The following GSN variants were observed in gnomAD, a reference collection of about 807,000 sequenced individuals.
The protein encoded by GSN is actin-depolymerizing factor.
GSN carries 56 observed loss-of-function variants against 85.7 expected under a neutral mutation model. The ratio of observed to expected loss-of-function variants is 0.65; its 90% CI spans 0.53 to 0.82. The LOEUF is 0.82. Ranked by LOEUF, GSN falls within the 40% of genes least tolerant of loss-of-function variation. GSN has a pLI of 0.00. For missense variants in GSN, 857 were observed against 979.8 expected, an observed-to-expected ratio of 0.87 and a Z score of 1.67; for synonymous variants, 373 against 399.1, an observed-to-expected ratio of 0.93 and a Z score of 0.78.
intron 16 of GSN, among the ~76,000 whole-genome samples, chr9:121,330,351 T>C (rs1404178155): frequency 6.6e-6 from 1 of 152,204 alleles, no homozygotes; most frequent in African/African-American, 2.4e-5. Flanking sequence ...GGTGGGCAGA[T>C]CACTTGAGGT....
Position 121,329,380 on chromosome 9 carries a change from C to A in GSN, c.1965+65C>A. On this transcript the variant is annotated intron_variant, in intron 16 of 17. Coordinates refer to ENST00000432226, the MANE Select transcript of GSN (RefSeq NM_198252.3). This position sits in a 1 kb window ranked among gnomAD's most constrained non-coding sequence, Gnocchi z 4.6. ...AGTGGGAGAAACTAGACTTCCAGTT[C>A]TATGATCAGTTGCTAGAAGGACCTA... The A allele has an allele frequency of 1.0e-6, 1 of 989,090 alleles. No homozygotes were observed. Among genetic ancestry groups the A allele is most frequent in the Non-Finnish European group, 1.6e-6 (1 of 610,144 alleles). 61.3% of individuals were successfully genotyped at this position (989,090 alleles called of 1,614,324 possible).
chr9:121,320,668 A>G (rs1229932881), intron 10 of GSN, among the ~76,000 whole-genome samples: 1 of 151,688 alleles, frequency 6.6e-6, no homozygotes, highest in African/African-American at 2.4e-5. Flanking sequence ...AAAAAAAAAG[A>G]AAAAAAGAAA....
At chr9:121,293,710 AAAAAAG>A in intron 2 of GSN, among the ~76,000 whole-genome samples, 1 of 152,068 alleles carries the variant, frequency 6.6e-6, no homozygotes, top group South Asian at 2.1e-4. Context: ...AAAAAAAAAA[AAAAAAG>A]AAAGGCATTT....
At chr9:121,301,494 C>T (rs1275637505) in intron 2 of GSN, among the ~76,000 whole-genome samples, 3 of 151,918 alleles carry the variant, frequency 2.0e-5, no homozygotes, top group South Asian at 2.1e-4. Flanking sequence ...GGCATAGTAT[C>T]GCATGCCTGT....
chr9:121,256,676 G>A lies in GSN; in HGVS notation c.-341+8353G>A, dbSNP rs557001164. 3.0e-3 allele frequency among the ~76,000 whole-genome samples: 451 copies of A among 152,206 alleles called. 2 individuals carry two copies. The highest frequency in any genetic ancestry group is 0.01 in the African/African-American group (433 of 41,534). On this transcript the variant is annotated intron_variant, in intron 6 of 24. Coordinates refer to the GSN transcript ENST00000373823. Reference sequence around the variant, plus strand: ...GTGGATCACCTGAGGTCAGGAGTTCGAGACCAGTCTGGCCAACGTGGTGAA... The same window carrying A: ...GTGGATCACCTGAGGTCAGGAGTTCAAGACCAGTCTGGCCAACGTGGTGAA...
intron 4 of GSN, among the ~76,000 whole-genome samples, chr9:121,215,065 A>G (rs1382631935): frequency 6.6e-6 from 1 of 151,654 alleles, no homozygotes; most frequent in Non-Finnish European, 1.5e-5. Flanking sequence ...CCCTTGCCCA[A>G]CTTCTGGTGG....
At chr9:121,303,230 C>G (rs576398568) in intron 4 of GSN, among the ~76,000 whole-genome samples, 165 bp downstream of exon 4, 2 of 152,316 alleles carry the variant, frequency 1.3e-5, no homozygotes, top group South Asian at 4.1e-4. Context: ...CTCTTTCTAG[C>G]CATGTGAGCT....
rs149148231 is a variant in GSN at position 121,226,537 on chromosome 9, C to T, written c.-527-4628C>T. ...GAGAGAAGACCTGGTAAGGTCTGAACAAGATGGCACAGGGTTACCTGGGGT... is the reference window on the plus strand; with the variant it reads ...GAGAGAAGACCTGGTAAGGTCTGAATAAGATGGCACAGGGTTACCTGGGGT... On this transcript the variant is annotated intron_variant, in intron 4 of 24. Coordinates refer to the GSN transcript ENST00000373823. Among the ~76,000 whole-genome samples, 682 of 152,234 alleles carry T rather than the reference C, an allele frequency of 4.5e-3. 9 individuals carry two copies. Among genetic ancestry groups the T allele is most frequent in the African/African-American group, 0.016 (654 of 41,534 alleles).
In GSN at chr9:121,299,637, G is replaced by A. The variant is rs891893495; in HGVS notation, c.-9-2326G>A. The A allele has an allele frequency of 2.0e-6, 1 of 495,096 alleles. No individual in the cohort carries two copies. The highest frequency in any genetic ancestry group is 2.6e-6 in the Non-Finnish European group (1 of 381,976). The allele number at this position is 495,096 out of a possible 1,614,324, so 30.7% of individuals were successfully genotyped here. A position where few individuals can be genotyped will look rare whatever the true frequency, so the allele number is the denominator to read the frequency against. On this transcript the variant is annotated intron_variant, in intron 2 of 17. Coordinates refer to ENST00000432226, the MANE Select transcript of GSN (RefSeq NM_198252.3). This position sits in a 1 kb window ranked among gnomAD's most constrained non-coding sequence, Gnocchi z 4.2. ...ACAGCTAGCGCCCGCCGTATGTCAG[G>A]CCTGGTGCTGGGTCTCCGCCCCGGA...
At chr9:121,327,625 T>C in intron 14 of GSN, 143 bp downstream of exon 14, 1 of 716,706 alleles carries the variant, frequency 1.4e-6, no homozygotes, top group Non-Finnish European at 2.3e-6. Context: ...ATAAAAGCAG[T>C]TGCATTAAAA....
chr9:121,295,594 G>T (rs941100401), intron 2 of GSN, among the ~76,000 whole-genome samples: 13 of 152,182 alleles, frequency 8.5e-5, no homozygotes, highest in Non-Finnish European at 1.6e-4. Flanking sequence ...ACCTCCTCTG[G>T]TCTCTGGTAG....
At chr9:121,298,116 C>T (rs964243860) in intron 2 of GSN, among the ~76,000 whole-genome samples, 7 of 152,132 alleles carry the variant, frequency 4.6e-5, no homozygotes, top group Non-Finnish European at 8.8e-5. Context: ...CCACAGACAC[C>T]GAGACAAAGT....
chr9:121,293,546 C>T (rs375431668), intron 2 of GSN, among the ~76,000 whole-genome samples: 2 of 151,822 alleles, frequency 1.3e-5, no homozygotes, highest in African/African-American at 4.8e-5. Flanking sequence ...GTTAGGAGTT[C>T]GAGACCAGCC....
chr9:121,267,332 C>G (rs1368703061), upstream of GSN, among the ~76,000 whole-genome samples: 1 of 152,208 alleles, frequency 6.6e-6, no homozygotes, highest in African/African-American at 2.4e-5. Context: ...TCTTTCTACC[C>G]AATGTGGATT....
chr9:121,303,972 G>A (rs372146499), intron 4 of GSN, among the ~76,000 whole-genome samples: 7 of 152,290 alleles, frequency 4.6e-5, no homozygotes, highest in African/African-American at 1.7e-4. Context: ...ACAGCGAATT[G>A]GTGCCAGACC....
intron 6 of GSN, among the ~76,000 whole-genome samples, chr9:121,258,175 A>G (rs1439325457): frequency 6.6e-6 from 1 of 152,216 alleles, no homozygotes. Flanking sequence ...AACTTGGGGA[A>G]ATATGGCTAC....
chr9:121,292,857 C>T (rs1425276601), intron 2 of GSN, among the ~76,000 whole-genome samples: 2 of 152,180 alleles, frequency 1.3e-5, no homozygotes, highest in African/African-American at 4.8e-5. Flanking sequence ...TCAGGGAGTT[C>T]TCCCTGCAGA....
intron 4 of GSN, among the ~76,000 whole-genome samples, chr9:121,225,852 T>G (rs1431400468): frequency 6.6e-6 from 1 of 152,218 alleles, no homozygotes; most frequent in Admixed American, 6.5e-5. Context: ...CTGCCCAGGC[T>G]GGAGTGTGGT....
intron 4 of GSN, among the ~76,000 whole-genome samples, chr9:121,227,897 C>A (rs1433022493): frequency 6.6e-6 from 1 of 152,128 alleles, no homozygotes; most frequent in Non-Finnish European, 1.5e-5. Flanking sequence ...TCCAGCACCC[C>A]ACATGGATTC....
Sources: allele counts gnomAD v4.1 joint callset (sites outside exome capture counted in the v4.1 genomes callset), GRCh38; gene constraint gnomAD v4.1.1; non-coding constraint Gnocchi (gnomAD v3.1); transcripts MANE v1.5; gene names NCBI Gene and HGNC (gene_info 2026-07-23, HGNC 2026-07-21).